Variants in MGST1 observed in about 807,000 individuals in gnomAD.
The protein encoded by MGST1 is microsomal glutathione S-transferase 1.
A neutral mutation model predicts 8.9 loss-of-function variants in MGST1; 5 were observed. The ratio of observed to expected loss-of-function variants is 0.56; its 90% CI spans 0.29 to 1.19. MGST1 has a LOEUF of 1.19. Ranked by LOEUF, MGST1 falls within the 50% of genes most tolerant of loss-of-function variation. The pLI is 0.08. For missense variants in MGST1, 182 were observed against 187.4 expected, an observed-to-expected ratio of 0.97 and a Z score of 0.17; for synonymous variants, 54 against 67.8, an observed-to-expected ratio of 0.80 and a Z score of 1.00.
At chr12:16,355,308 A>C (rs1054053900) in intron 2 of MGST1, among the ~76,000 whole-genome samples, 1 of 150,360 alleles carries the variant, frequency 6.7e-6, no homozygotes, top group African/African-American at 2.5e-5. Flanking sequence ...TCCTGGGTTC[A>C]AGTGCTTCTC....
At position 16,587,683 on chromosome 12, in the gene MGST1, A is replaced by G. The variant is rs1943363456; in HGVS notation, n.483-1845A>G. ...GTCAGGAGTGCATTTTAACAGCACGACACAAGTATTTTTCACTACAGGAGA... is the reference window on the plus strand; with the variant it reads ...GTCAGGAGTGCATTTTAACAGCACGGCACAAGTATTTTTCACTACAGGAGA... On this transcript the variant is annotated intron_variant and non_coding_transcript_variant, in intron 4 of 4. Transcript: ENST00000538857. This position sits in a 1 kb window ranked among gnomAD's most constrained non-coding sequence, Gnocchi z 4.3. Among the ~76,000 whole-genome samples, 1 of 152,120 alleles carries G rather than the reference A, an allele frequency of 6.6e-6. No homozygotes were observed. Among genetic ancestry groups the G allele is most frequent in the Non-Finnish European group, 1.5e-5 (1 of 68,008 alleles).
chr12:16,525,381 A>G (rs1447280887), intron 4 of MGST1, among the ~76,000 whole-genome samples: 2 of 149,348 alleles, frequency 1.3e-5, no homozygotes, highest in East Asian at 4.0e-4. Flanking sequence ...CCTATGAGTG[A>G]GAATATGCGG....
At chr12:16,451,850 C>T (rs1941131888) in intron 4 of MGST1, among the ~76,000 whole-genome samples, 1 of 151,878 alleles carries the variant, frequency 6.6e-6, no homozygotes, top group East Asian at 1.9e-4. Context: ...TGATTTAATA[C>T]AGGTTTCATT....
At chr12:16,567,273 T>A (rs1447998970) in intron 4 of MGST1, 1 of 160,412 alleles carries the variant, frequency 6.2e-6, no homozygotes, top group Non-Finnish European at 1.3e-5. Context: ...ATTCATGGTA[T>A]TGAGAGAAAG....
rs1347061101 is a variant in MGST1, at chr12:16,500,536, G to C, written n.483-88992G>C. 6.6e-6 allele frequency among the ~76,000 whole-genome samples: 1 copy of C among 152,142 alleles called. No homozygotes were observed. Among genetic ancestry groups the C allele is most frequent in the Non-Finnish European group, 1.5e-5 (1 of 68,032 alleles). Reference sequence around the variant, plus strand: ...AACGGAAAAGATACTTATTTTGTGTGCCAGTCCTGTCCTTTGATGGTGGTG... The same window carrying C: ...AACGGAAAAGATACTTATTTTGTGTCCCAGTCCTGTCCTTTGATGGTGGTG... On this transcript the variant is annotated intron_variant and non_coding_transcript_variant, in intron 4 of 4. Transcript: ENST00000538857. This position sits in a 1 kb window ranked among gnomAD's most constrained non-coding sequence, Gnocchi z 4.3.
chr12:16,394,824 T>C (rs897179446), intron 1 of MGST1, among the ~76,000 whole-genome samples: 7 of 152,056 alleles, frequency 4.6e-5, no homozygotes, highest in Non-Finnish European at 1.5e-5. Context: ...CTCCAAGTCT[T>C]AGCCTCAGGT....
Position 16,486,742 on chromosome 12 carries a change from C to A in MGST1, n.483-102786C>A, listed in dbSNP as rs548268157. 8.9e-4 allele frequency among the ~76,000 whole-genome samples: 136 copies of A among 152,254 alleles called. No homozygotes were observed. In the Middle Eastern group the frequency reaches 0.01, roughly 11 times the overall value. ...ACGATCAGTCCTGGAGGAAGGCTCA[C>A]AGAGTAGATCAAGCCACTAGCCAAT... On this transcript the variant is annotated intron_variant and non_coding_transcript_variant, in intron 4 of 4. Transcript: ENST00000538857.
intron 4 of MGST1, among the ~76,000 whole-genome samples, chr12:16,485,681 A>G (rs56846093): frequency 7.9e-4 from 120 of 152,316 alleles, no homozygotes; most frequent in African/African-American, 2.7e-3. Flanking sequence ...AAAAGACAAA[A>G]TTTAAATGGA....
At chr12:16,457,406 G>C (rs774920689) in intron 4 of MGST1, among the ~76,000 whole-genome samples, 1 of 151,886 alleles carries the variant, frequency 6.6e-6, no homozygotes, top group Non-Finnish European at 1.5e-5. Context: ...AAATACCCTA[G>C]TTTATAATTC....
At chr12:16,450,265 C>T (rs539563829) in intron 4 of MGST1, among the ~76,000 whole-genome samples, 1 of 152,036 alleles carries the variant, frequency 6.6e-6, no homozygotes, top group South Asian at 2.1e-4. Flanking sequence ...TGTCCAGTCA[C>T]TTGGGCCTCC....
intron 4 of MGST1, among the ~76,000 whole-genome samples, chr12:16,525,468 T>C (rs867192351): frequency 3.2e-4 from 49 of 151,582 alleles, no homozygotes; most frequent in Middle Eastern, 3.4e-3. Context: ...ACAAAGCACA[T>C]GAACTCATCA....
intron 1 of MGST1, among the ~76,000 whole-genome samples, chr12:16,426,212 A>G (rs530866074): frequency 1.2e-4 from 19 of 152,254 alleles, no homozygotes; most frequent in African/African-American, 4.6e-4. Flanking sequence ...ACTCCTCACT[A>G]TAGGGTTCCA....
chr12:16,396,162 C>T (rs1469963819), intron 1 of MGST1, among the ~76,000 whole-genome samples: 2 of 151,816 alleles, frequency 1.3e-5, no homozygotes, highest in Non-Finnish European at 2.9e-5. Flanking sequence ...GGTGGTATTG[C>T]GTTGTGGTTT....
At chr12:16,491,585 G>A (rs999307611) in intron 4 of MGST1, among the ~76,000 whole-genome samples, 2 of 148,654 alleles carry the variant, frequency 1.3e-5, no homozygotes, top group Non-Finnish European at 3.0e-5. Flanking sequence ...TCTTTTGCCT[G>A]TTAGCTTGAA....
In MGST1 at chr12:16,572,538, C is replaced by A. The variant is rs966878826; in HGVS notation, n.483-16990C>A. ...TATGCCAAAGTGCCTAGAATTTTAACTGTTTCTCAAACAGATCTAAAACTG... is the reference window on the plus strand; with the variant it reads ...TATGCCAAAGTGCCTAGAATTTTAAATGTTTCTCAAACAGATCTAAAACTG... On this transcript the variant is annotated intron_variant and non_coding_transcript_variant, in intron 4 of 4. Coordinates refer to the MGST1 transcript ENST00000538857. Among the ~76,000 whole-genome samples, 8 of 150,088 alleles carry A rather than the reference C, an allele frequency of 5.3e-5. No homozygotes were observed. The South Asian group carries it at 8.3e-4, about 16-fold the overall frequency.
chr12:16,444,814 T>C (rs1941066631), intron 4 of MGST1, among the ~76,000 whole-genome samples: 1 of 151,948 alleles, frequency 6.6e-6, no homozygotes, highest in Non-Finnish European at 1.5e-5. Flanking sequence ...CCTGACTTTA[T>C]GACTTGATGG....
At chr12:16,357,781 G>A in intron 3 of MGST1, 82 bp downstream of exon 3, 3 of 1,097,024 alleles carry the variant, frequency 2.7e-6, no homozygotes, top group Non-Finnish European at 4.0e-6. Flanking sequence ...CAGGGTCTTG[G>A]AGACTGAGGA....
chr12:16,508,040 ATTC>A (rs1941551418), intron 4 of MGST1, among the ~76,000 whole-genome samples: 1 of 152,090 alleles, frequency 6.6e-6, no homozygotes, highest in Admixed American at 6.6e-5. Context: ...ACATGTGTGT[ATTC>A]TTTTCTGAGG....
chr12:16,365,260 A>T (rs1202638750), downstream of MGST1, among the ~76,000 whole-genome samples: 1 of 151,730 alleles, frequency 6.6e-6, no homozygotes, highest in East Asian at 1.9e-4. Context: ...ACAAATTTAG[A>T]TTTTTTTGGT....
Sources: gnomAD v4.1 joint callset for allele counts (sites outside exome capture counted in the v4.1 genomes callset) on GRCh38, gnomAD v4.1.1 for gene constraint, Gnocchi (gnomAD v3.1) non-coding constraint, MANE v1.5 for transcripts, NCBI Gene and HGNC (gene_info 2026-07-23, HGNC 2026-07-21) for gene names.